Variants in NRG3 observed in about 807,000 individuals in gnomAD.
The protein encoded by NRG3 is pro-neuregulin-3, membrane-bound isoform.
In NRG3, 31 loss-of-function variants were observed where a neutral mutation model predicts 66.9. The ratio of observed to expected loss-of-function variants is 0.46; its 90% confidence interval spans 0.35 to 0.63. NRG3 has a LOEUF of 0.63. NRG3 is among the 20% of genes least tolerant of loss of function. The probability of loss-of-function intolerance (pLI) is 0.00; values close to 1 mark genes in which losing one functional copy is unlikely to be tolerated. For synonymous variants in NRG3, 393 were observed against 359.4 expected (o/e 1.09, Z -1.06); for missense variants, 910 against 878.9 (o/e 1.04, Z -0.45).
intron 3 of NRG3, among the ~76,000 whole-genome samples, chr10:82,855,449 G>A (rs928329651): frequency 1.3e-5 from 2 of 151,938 alleles, no homozygotes; most frequent in African/African-American, 4.8e-5. Context: ...CCAGGCTGGA[G>A]GGCAGTGGCA....
At chr10:82,557,133 T>A (rs890325833) in intron 2 of NRG3, among the ~76,000 whole-genome samples, 14 of 152,188 alleles carry the variant, frequency 9.2e-5, no homozygotes, top group African/African-American at 3.4e-4. Flanking sequence ...TAGAATAATT[T>A]CTATTCCTCT....
intron 1 of NRG3, among the ~76,000 whole-genome samples, chr10:82,019,035 C>T (rs1340110592): frequency 1.3e-5 from 2 of 152,100 alleles, no homozygotes; most frequent in Middle Eastern, 3.2e-3. Flanking sequence ...GGAATGCTTC[C>T]AGTTTTTGCC....
intron 1 of NRG3, among the ~76,000 whole-genome samples, chr10:82,297,486 T>A (rs895389221): frequency 2.6e-5 from 4 of 152,094 alleles, no homozygotes; most frequent in Non-Finnish European, 5.9e-5. Context: ...GCAACATGTA[T>A]AACATTATAG....
chr10:82,191,349 C>T (rs186054966), intron 1 of NRG3, among the ~76,000 whole-genome samples: 20 of 152,186 alleles, frequency 1.3e-4, no homozygotes, highest in African/African-American at 4.3e-4. Context: ...GCCTATGACT[C>T]TCAAATGAAC....
At chr10:82,309,551 T>C (rs1263593396) in intron 1 of NRG3, among the ~76,000 whole-genome samples, 1 of 152,156 alleles carries the variant, frequency 6.6e-6, no homozygotes. Context: ...GGGTCTAAAT[T>C]TGAGCATCTG....
At chr10:82,501,455 G>A (rs558713471) in intron 2 of NRG3, among the ~76,000 whole-genome samples, 5 of 152,194 alleles carry the variant, frequency 3.3e-5, no homozygotes, top group African/African-American at 7.2e-5. Context: ...TCAAGGTTCC[G>A]CAGGCCCTCC....
At chr10:81,932,666 A>G (rs1183064346) in intron 1 of NRG3, among the ~76,000 whole-genome samples, 1 of 152,312 alleles carries the variant, frequency 6.6e-6, no homozygotes, top group East Asian at 1.9e-4. Context: ...CAAAAACAGT[A>G]CAAGAAAGGA....
intron 1 of NRG3, among the ~76,000 whole-genome samples, chr10:81,912,623 A>G (rs1845276612): frequency 6.6e-6 from 1 of 152,220 alleles, no homozygotes; most frequent in Non-Finnish European, 1.5e-5. Context: ...AGAATATCCC[A>G]GAATAAGTGA....
intron 1 of NRG3, among the ~76,000 whole-genome samples, chr10:82,313,377 A>T (rs1268390116): frequency 6.6e-6 from 1 of 151,988 alleles, no homozygotes; most frequent in Non-Finnish European, 1.5e-5. Context: ...AATAAATAAA[A>T]TAAAAATAAA....
In NRG3 at chr10:82,964,634, C is replaced by A. The variant is rs545175438; in HGVS notation, c.1284+5559C>A. Among the ~76,000 whole-genome samples the A allele has an allele frequency of 2.0e-5, 3 of 152,252 alleles. No individual in the cohort carries two copies. In the East Asian group the frequency reaches 5.8e-4, roughly 29 times the overall value. ...AATCACTCTTGAAAACATATTGTAA[C>A]TATCAATTTCCCCATACTCGGGCTC... On this transcript the variant is annotated intron_variant, in intron 6 of 8. Coordinates refer to ENST00000372141, the MANE Select transcript of NRG3 (RefSeq NM_001010848.4).
chr10:82,049,702 C>G (rs934872113), intron 1 of NRG3, among the ~76,000 whole-genome samples: 1 of 151,894 alleles, frequency 6.6e-6, no homozygotes, highest in Non-Finnish European at 1.5e-5. Flanking sequence ...TATGGAGAAC[C>G]CTTGGGCACT....
intron 2 of NRG3, among the ~76,000 whole-genome samples, chr10:82,487,459 G>T (rs984396707): frequency 6.6e-6 from 1 of 152,118 alleles, no homozygotes; most frequent in Non-Finnish European, 1.5e-5. Context: ...TGAGGGACCA[G>T]CTTTGTAACC....
rs1313353268 is a variant in NRG3, at chr10:82,231,779, T to A, written c.824-126960T>A. ...AAGCAAATAGAAGACCACTAAAACA[T>A]GATTGATTTCAAAATGTTACATATC... On this transcript the variant is annotated intron_variant, in intron 1 of 8. Coordinates refer to ENST00000372141, the MANE Select transcript of NRG3 (RefSeq NM_001010848.4). Among the ~76,000 whole-genome samples the A allele has an allele frequency of 2.6e-5, 4 of 152,168 alleles. 1 individual carries two copies. Among genetic ancestry groups the A allele is most frequent in the Non-Finnish European group, 5.9e-5 (4 of 68,016 alleles).
At chr10:82,880,481 C>T (rs900093731) in intron 4 of NRG3, among the ~76,000 whole-genome samples, 1 of 152,092 alleles carries the variant, frequency 6.6e-6, no homozygotes, top group Admixed American at 6.6e-5. Flanking sequence ...AAGTAATATG[C>T]CCAACTGATA....
intron 4 of NRG3, among the ~76,000 whole-genome samples, chr10:82,906,551 A>G (rs1202071775): frequency 6.6e-6 from 1 of 152,224 alleles, no homozygotes; most frequent in African/African-American, 2.4e-5. Flanking sequence ...AGAAGAATAA[A>G]TAAGTTATAA....
chr10:82,410,269 T>C (rs1489007239), intron 2 of NRG3, among the ~76,000 whole-genome samples: 5 of 152,030 alleles, frequency 3.3e-5, no homozygotes, highest in Admixed American at 6.6e-5. Flanking sequence ...AGGTGGATCT[T>C]ATCTTATGTA....
At chr10:82,771,281 CATATGA>C (rs1348282099) in intron 3 of NRG3, among the ~76,000 whole-genome samples, 1 of 152,102 alleles carries the variant, frequency 6.6e-6, no homozygotes. Context: ...CTAATCGAGT[CATATGA>C]ATGAAGTATT....
chr10:82,750,570 G>A (rs148521041), intron 3 of NRG3, among the ~76,000 whole-genome samples: 1 of 152,202 alleles, frequency 6.6e-6, no homozygotes, highest in African/African-American at 2.4e-5. Context: ...TTCATGGAAT[G>A]AGGACTTAAC....
At chr10:82,646,900 T>G (rs1307852259) in intron 2 of NRG3, among the ~76,000 whole-genome samples, 4 of 152,090 alleles carry the variant, frequency 2.6e-5, no homozygotes, top group African/African-American at 7.2e-5. Context: ...GGCCTTTATC[T>G]TCCCACAGGG....
Sources: allele counts gnomAD v4.1 joint callset (sites outside exome capture counted in the v4.1 genomes callset), GRCh38; gene constraint gnomAD v4.1.1; transcripts MANE v1.5; gene names NCBI Gene and HGNC (gene_info 2026-07-23, HGNC 2026-07-21).